The following RGS12 variants were observed in gnomAD, a reference collection of about 807,000 sequenced individuals.
RGS12 encodes regulator of G-protein signaling 12.
Under a neutral mutation model 120.1 loss-of-function variants are expected in RGS12, and 66 were observed. The ratio of observed to expected loss-of-function variants is 0.55; its 90% CI spans 0.45 to 0.67. The LOEUF (loss-of-function observed/expected upper bound fraction) is 0.67. Among genes scored for constraint, RGS12 ranks in the 30% least tolerant of loss-of-function variants. The pLI is 0.00. For synonymous variants in RGS12, 827 were observed against 804.7 expected (o/e 1.03, Z -0.47); for missense variants, 1,859 against 1,957.7 (o/e 0.95, Z 0.95).
intron 1 of RGS12, among the ~76,000 whole-genome samples, chr4:3,308,491 G>A (rs1420073974): frequency 6.6e-6 from 1 of 152,140 alleles, no homozygotes; most frequent in African/African-American, 2.4e-5. Flanking sequence ...ACTTATTTCC[G>A]CGGGCGGCTG....
intron 2 of RGS12, 84 bp from the exon 3 acceptor site, chr4:3,342,853 G>C: frequency 1.1e-6 from 1 of 911,362 alleles, no homozygotes; most frequent in South Asian, 1.4e-5. Context: ...AGTATTCCTT[G>C]ATTTTCTGCT....
chr4:3,308,499 C>T (rs1724099095), intron 1 of RGS12, among the ~76,000 whole-genome samples: 1 of 152,188 alleles, frequency 6.6e-6, no homozygotes, highest in African/African-American at 2.4e-5. Flanking sequence ...CCGCGGGCGG[C>T]TGGGGTGCGA....
intron 2 of RGS12, among the ~76,000 whole-genome samples, chr4:3,331,788 G>A (rs142547029): frequency 1.2e-4 from 19 of 152,290 alleles, no homozygotes; most frequent in Admixed American, 3.9e-4. Context: ...ACTGGGCAGC[G>A]GCACTCGGAG....
intron 2 of RGS12, chr4:3,342,271 T>G (rs1437207371): frequency 4.5e-6 from 2 of 441,906 alleles, no homozygotes; most frequent in African/African-American, 4.3e-5. Context: ...TTTTTGTTTT[T>G]AAGAGGTGGC....
chr4:3,371,032 A>T (rs1323532023), intron 3 of RGS12, among the ~76,000 whole-genome samples: 1 of 152,250 alleles, frequency 6.6e-6, no homozygotes, highest in African/African-American at 2.4e-5. Context: ...ATATCTAATT[A>T]AAGTCTTCTG....
upstream of RGS12, among the ~76,000 whole-genome samples, chr4:3,291,639 G>A (rs1578653955): frequency 6.6e-6 from 1 of 152,280 alleles, no homozygotes; most frequent in East Asian, 1.9e-4. Flanking sequence ...GAGTCACCGC[G>A]CCTGGCCTCT....
At chr4:3,309,408 G>C (rs558474521) in intron 1 of RGS12, among the ~76,000 whole-genome samples, 1 of 145,770 alleles carries the variant, frequency 6.9e-6, no homozygotes, top group South Asian at 2.3e-4. Flanking sequence ...GGAATGGCAG[G>C]TGTCCGCTGA....
At chr4:3,329,032 A>T (rs779163604) in intron 2 of RGS12, among the ~76,000 whole-genome samples, 1 of 152,184 alleles carries the variant, frequency 6.6e-6, no homozygotes, top group Non-Finnish European at 1.5e-5. Context: ...CAAGAGGCTC[A>T]GCTGTTGGAT....
chr4:3,335,707 A>G (rs971644366), intron 2 of RGS12, among the ~76,000 whole-genome samples: 1 of 152,114 alleles, frequency 6.6e-6, no homozygotes, highest in Non-Finnish European at 1.5e-5. Context: ...GCATATTGGG[A>G]GGCCAGGAAT....
chr4:3,319,175 G>C (rs77604873), intron 2 of RGS12, among the ~76,000 whole-genome samples: 5,813 of 152,242 alleles, frequency 0.038, 291 homozygotes, highest in African/African-American at 0.12. Context: ...GCCTGTAACT[G>C]AGTGCTTTGG....
At position 3,417,001 on chromosome 4, in the gene RGS12, G is replaced by A. The variant is rs775470974; in HGVS notation, c.2516G>A (p.Arg839His). Residue 839 changes from arginine (R) to histidine (H), a missense_variant, in exon 8 of 18, where the codon CGT (arginine) becomes CAT (histidine). This residue lies in a region of RGS12 where 375 missense variants were observed against 475.0 expected (regional missense o/e 0.79). Transcript: ENST00000336727. ...QECILAEVEG[R>H]ALPDSQQVPS... ...TGCATCCTGGCGGAAGTGGAGGGCC[G>A]TGCACTCCCGGACTCGCAGCAGGTC... The A allele has an allele frequency of 7.4e-6, 12 of 1,613,290 alleles. No individual in the cohort carries two copies. The African/African-American group carries it at 8.0e-5, about 11-fold the overall frequency.
intron 17 of RGS12, among the ~76,000 whole-genome samples, chr4:3,437,255 T>G (rs1352371582): frequency 1.3e-5 from 2 of 152,242 alleles, no homozygotes; most frequent in East Asian, 3.9e-4. Context: ...GTGGACATCC[T>G]TGGTCCATAC....
intron 2 of RGS12, among the ~76,000 whole-genome samples, chr4:3,326,855 ATAAT>A (rs889100470): frequency 3.3e-5 from 5 of 152,254 alleles, no homozygotes; most frequent in Non-Finnish European, 7.3e-5. Context: ...ATGGATTGGA[ATAAT>A]TAATATCATT....
chr4:3,409,762 G>T (rs1160225220), intron 4 of RGS12, among the ~76,000 whole-genome samples: 1 of 152,218 alleles, frequency 6.6e-6, no homozygotes, highest in Non-Finnish European at 1.5e-5. Context: ...GTCAGCAACC[G>T]TGGGGGGTTG....
chr4:3,388,440 A>G lies in RGS12; in HGVS notation c.2020+2003A>G, dbSNP rs750748547. ...CACATGAGCTCTAGATCGGTGTCAC[A>G]TTCTGCCGTTGTTAGATGTAGGGCA... On this transcript the variant is annotated intron_variant, in intron 4 of 17. Coordinates refer to ENST00000336727, the MANE Select transcript of RGS12 (RefSeq NM_001394154.1). Among the ~76,000 whole-genome samples, 69 of 152,356 alleles carry G rather than the reference A, an allele frequency of 4.5e-4. 1 individual carries two copies. The highest frequency in any genetic ancestry group is 8.4e-4 in the Non-Finnish European group (57 of 68,032).
chr4:3,362,814 GGT>G (rs546803998), intron 3 of RGS12, among the ~76,000 whole-genome samples: 2,509 of 145,492 alleles, frequency 0.017, 78 homozygotes, highest in African/African-American at 0.062. Flanking sequence ...TGAGAGTGAG[GGT>G]GTGTCAGTGT....
intron 4 of RGS12, among the ~76,000 whole-genome samples, chr4:3,402,876 G>A (rs1306867247): frequency 1.3e-5 from 2 of 152,228 alleles, no homozygotes; most frequent in Non-Finnish European, 1.5e-5. Context: ...AATGAAGTCA[G>A]TTAGGGTTGA....
chr4:3,419,862 AG>A (rs1233322010), intron 9 of RGS12, among the ~76,000 whole-genome samples: 1 of 152,156 alleles, frequency 6.6e-6, no homozygotes, highest in African/African-American at 2.4e-5. Flanking sequence ...CCCAGACTGC[AG>A]GCACCCCCAG....
intron 3 of RGS12, among the ~76,000 whole-genome samples, chr4:3,351,033 G>T (rs1157014982): frequency 6.6e-6 from 1 of 152,188 alleles, no homozygotes; most frequent in African/African-American, 2.4e-5. Flanking sequence ...CTGTGGCTAA[G>T]TTCTGTTTAC....
Sources: gnomAD v4.1 joint callset for allele counts (sites outside exome capture counted in the v4.1 genomes callset) on GRCh38, gnomAD v4.1.1 for gene constraint, gnomAD v4.1.1 regional missense constraint, MANE v1.5 for transcripts, NCBI Gene and HGNC (gene_info 2026-07-23, HGNC 2026-07-21) for gene names.